GSDMC: variants seen among roughly 807,000 people sequenced by gnomAD.
GSDMC encodes gasdermin-C.
Under a neutral mutation model 58.0 loss-of-function variants are expected in GSDMC, and 59 were observed. That is an observed-to-expected ratio of 1.02 (90% CI 0.82 to 1.26). The LOEUF is 1.26. Ranked by LOEUF, GSDMC falls within the 50% of genes most tolerant of loss-of-function variation. The pLI is 0.00. For synonymous variants in GSDMC, 241 were observed against 220.2 expected (o/e 1.09, Z -0.83); for missense variants, 659 against 598.5 (o/e 1.10, Z -1.06).
chr8:129,750,042 A>G lies in GSDMC; in HGVS notation c.1161T>C (p.His387=), dbSNP rs930360693. 3.7e-6 allele frequency: 6 copies of G among 1,611,412 alleles called. No homozygotes were observed. Among genetic ancestry groups the G allele is most frequent in the Non-Finnish European group, 5.1e-6 (6 of 1,178,760 alleles). The change falls in exon 12 of 14, where the codon CAT becomes CAC. Residue 387 remains histidine (H), a synonymous_variant. Transcript: ENST00000276708. ...TGGGGTCCTTTGGGTTAAACCATGC[A>G]TGGTTTGAATCCTGTTGAAGTTTCT... ...ILKKLQQDSN[H]AWFNPKDPIL...
chr8:129,708,466 GT>G, the GSDMC span, among the ~76,000 whole-genome samples: 1 of 152,218 alleles, frequency 6.6e-6, no homozygotes, highest in Non-Finnish European at 1.5e-5. Flanking sequence ...AAAGAAAGCA[GT>G]TACAGTCCTC....
chr8:129,744,203 G>A (rs1032712445), downstream of GSDMC, among the ~76,000 whole-genome samples: 12 of 152,154 alleles, frequency 7.9e-5, no homozygotes, highest in East Asian at 2.1e-3. Context: ...AGAAACCTGG[G>A]GCAATCTTAG....
At chr8:129,747,086 CAAA>C (rs879490530), downstream of GSDMC, among the ~76,000 whole-genome samples, 40 of 108,452 alleles carry the variant, frequency 3.7e-4, no homozygotes, top group African/African-American at 1.3e-3. Flanking sequence ...CCTGTCTGTA[CAAA>C]AAAAAAAAAA....
the GSDMC span, among the ~76,000 whole-genome samples, chr8:129,738,362 T>A: frequency 6.6e-6 from 1 of 152,208 alleles, no homozygotes; most frequent in Admixed American, 6.5e-5. Context: ...ACACATATGT[T>A]TATTGTGGCA....
chr8:129,752,896 A>G (rs2033271959), intron 6 of GSDMC, 76 bp from the exon 7 acceptor site: 1 of 1,601,332 alleles, frequency 6.2e-7, no homozygotes, highest in Non-Finnish European at 8.5e-7. Flanking sequence ...AGCAGAGAGC[A>G]GAGCCAGGCT....
At chr8:129,769,013 G>C (rs139046869) in intron 3 of GSDMC, among the ~76,000 whole-genome samples, 1,531 of 152,234 alleles carry the variant, frequency 0.01, 27 homozygotes, top group African/African-American at 0.034. Flanking sequence ...AGGAGGTAGA[G>C]GCTGCAGTGA....
chr8:129,766,136 T>C (rs1458151997), intron 3 of GSDMC, among the ~76,000 whole-genome samples: 2 of 152,180 alleles, frequency 1.3e-5, no homozygotes, highest in Admixed American at 6.5e-5. Context: ...GTCCAGATGA[T>C]TGAGAACAGT....
In GSDMC at chr8:129,776,333, G is replaced by A. The variant is rs2034227021; in HGVS notation, c.221-48C>T. On this transcript the variant is annotated intron_variant, in intron 2 of 13. Transcript: ENST00000276708. ...TAGGTTTAGCCAAGAATTCATTCAA[G>A]AATTCAAAGGTTTAGCCAAGAACAG... 2.7e-6 allele frequency: 4 copies of A among 1,454,740 alleles called. No homozygotes were observed. In the East Asian group the frequency reaches 9.5e-5, roughly 35 times the overall value. The allele number at this position is 1,454,740 out of a possible 1,614,324, so 90.1% of individuals were successfully genotyped here.
downstream of GSDMC, among the ~76,000 whole-genome samples, chr8:129,745,899 T>C (rs959852550): frequency 2.7e-5 from 3 of 109,488 alleles, no homozygotes; most frequent in African/African-American, 1.7e-4. Flanking sequence ...CTCCTGCCGT[T>C]CTACATGCCA....
chr8:129,774,528 CAAA>C (rs34881340), intron 3 of GSDMC, among the ~76,000 whole-genome samples: 1 of 119,526 alleles, frequency 8.4e-6, no homozygotes, highest in Non-Finnish European at 1.8e-5. Flanking sequence ...GCAACAGCAG[CAAA>C]AAAAAAAAAA....
At chr8:129,755,149 G>C (rs1241401503) in intron 6 of GSDMC, among the ~76,000 whole-genome samples, 1 of 152,152 alleles carries the variant, frequency 6.6e-6, no homozygotes, top group Non-Finnish European at 1.5e-5. Flanking sequence ...ACCCAAAGCA[G>C]ACTACCTCAA....
the GSDMC span, among the ~76,000 whole-genome samples, chr8:129,740,936 C>A: frequency 6.6e-6 from 1 of 152,098 alleles, no homozygotes; most frequent in African/African-American, 2.4e-5. Context: ...TGTCATGGAG[C>A]TTTTCCCTAT....
chr8:129,760,933 AT>A (rs557280072), intron 5 of GSDMC, among the ~76,000 whole-genome samples: 82 of 152,178 alleles, frequency 5.4e-4, no homozygotes, highest in Non-Finnish European at 1.0e-3. Flanking sequence ...ATGATTTCAC[AT>A]TCTGTGTAGA....
At chr8:129,777,753 A>G (rs2034286410) in intron 1 of GSDMC, among the ~76,000 whole-genome samples, 162 bp from the exon 2 acceptor site, 1 of 152,054 alleles carries the variant, frequency 6.6e-6, no homozygotes, top group Non-Finnish European at 1.5e-5. Context: ...CTTTGAGTTC[A>G]TTTTTTTGTT....
At chr8:129,758,622 G>A (rs1398481176) in intron 6 of GSDMC, among the ~76,000 whole-genome samples, 1 of 151,672 alleles carries the variant, frequency 6.6e-6, no homozygotes, top group African/African-American at 2.4e-5. Flanking sequence ...TTGACAATAG[G>A]GATAAAATAA....
At chr8:129,764,431 T>C (rs2033785813) in intron 4 of GSDMC, among the ~76,000 whole-genome samples, 1 of 152,196 alleles carries the variant, frequency 6.6e-6, no homozygotes, top group South Asian at 2.1e-4. Context: ...ATGTGATGCC[T>C]GGAGCTGAAT....
In GSDMC at chr8:129,751,577, A is replaced by G; in HGVS notation, c.917-9T>C. ...GGGTTCCTCTATTCTTCCTAGAAGG[A>G]GAATCAAGTCATCATCTCACTTCCT... On this transcript the variant is annotated splice_polypyrimidine_tract_variant and intron_variant, in intron 9 of 13. Transcript: ENST00000276708. 1 of 1,612,254 alleles carries G rather than the reference A, an allele frequency of 6.2e-7. No individual in the cohort carries two copies. The highest frequency in any genetic ancestry group is 1.1e-5 in the South Asian group (1 of 90,972).
the GSDMC span, among the ~76,000 whole-genome samples, chr8:129,740,138 G>A: frequency 2.0e-5 from 3 of 152,156 alleles, no homozygotes; most frequent in East Asian, 5.8e-4. Context: ...GCTTTAGAAT[G>A]TTTGGGTTTT....
intron 1 of GSDMC, among the ~76,000 whole-genome samples, chr8:129,783,915 T>C (rs1210665776): frequency 2.0e-5 from 3 of 151,528 alleles, no homozygotes; most frequent in Non-Finnish European, 4.4e-5. Flanking sequence ...AGGAAAAAAA[T>C]CGAGAACCCA....
Sources: gnomAD v4.1 joint callset for allele counts (sites outside exome capture counted in the v4.1 genomes callset) on GRCh38, gnomAD v4.1.1 for gene constraint, MANE v1.5 for transcripts, NCBI Gene and HGNC (gene_info 2026-07-23, HGNC 2026-07-21) for gene names.